Variants in CREBRF observed in about 807,000 individuals in gnomAD.
CREBRF encodes the protein UPF0474 protein C5orf41.
In CREBRF, 5 loss-of-function variants were observed where a neutral mutation model predicts 66.1. The observed-to-expected ratio is 0.08, with a 90% confidence interval of 0.04 to 0.16. The LOEUF is 0.16. Among genes scored for constraint, CREBRF ranks in the 10% least tolerant of loss-of-function variants. The pLI is 1.00. For synonymous variants in CREBRF, 229 were observed against 264.4 expected, an observed-to-expected ratio of 0.87 and a Z score of 1.30; for missense variants, 531 against 744.9, an observed-to-expected ratio of 0.71 and a Z score of 3.34.
rs1581675353 is a variant in CREBRF at position 173,085,782 on chromosome 5, G to C, written c.10-719G>C. ...CACTCCACATACCTGATGGCCTTCA[G>C]GTCATGGGTCAGCTTTTTAGCAGTC... is the stretch of plus-strand genomic sequence containing the variant. On this transcript the variant is annotated intron_variant, in intron 2 of 8. Coordinates refer to ENST00000296953, the MANE Select transcript of CREBRF (RefSeq NM_153607.3). The C allele has an allele frequency of 5.2e-6, 4 of 776,468 alleles. 1 individual carries two copies. In the Admixed American group the frequency reaches 6.8e-5, roughly 13 times the overall value. 48.1% of individuals were successfully genotyped at this position (776,468 alleles called of 1,614,324 possible). A position where few individuals can be genotyped will look rare whatever the true frequency, so the allele number is the denominator to read the frequency against.
In CREBRF at chr5:173,134,033, T is replaced by A. The variant is rs988152298; in HGVS notation, c.*288T>A. The A allele has an allele frequency of 1.1e-5, 2 of 184,210 alleles. No individual in the cohort carries two copies. Among genetic ancestry groups the A allele is most frequent in the Non-Finnish European group, 2.2e-5 (2 of 89,188 alleles). 11.4% of individuals were successfully genotyped at this position (184,210 alleles called of 1,614,324 possible). ...AAAAATCTGTTAAAGCAAAACATTTTGGAGGAGTGAAATAGTAAAATGCCA... is the reference window on the plus strand; with the variant it reads ...AAAAATCTGTTAAAGCAAAACATTTAGGAGGAGTGAAATAGTAAAATGCCA... On this transcript the variant is annotated 3_prime_UTR_variant, in exon 9 of 9. Coordinates refer to ENST00000296953, the MANE Select transcript of CREBRF (RefSeq NM_153607.3).
At chr5:173,067,480 A>C (rs1757466983) in intron 1 of CREBRF, among the ~76,000 whole-genome samples, 1 of 152,164 alleles carries the variant, frequency 6.6e-6, no homozygotes, top group East Asian at 1.9e-4. Flanking sequence ...AGTTCAAGTG[A>C]TCATCTTTCT....
chr5:173,108,739 A>G lies in CREBRF; in HGVS notation c.1338A>G (p.Gln446=), dbSNP rs1561811331. 6.2e-7 allele frequency: 1 copy of G among 1,614,138 alleles called. No homozygotes were observed. The highest frequency in any genetic ancestry group is 8.5e-7 in the Non-Finnish European group (1 of 1,179,972). Residue 446 remains glutamine (Q), a synonymous_variant, in exon 5 of 9, where the codon CAA becomes CAG. Coordinates refer to ENST00000296953, the MANE Select transcript of CREBRF (RefSeq NM_153607.3). ...GTGAACAACTTACACCATCACAGCAAGAGAGGATGCTGAGACCATCTGAGT... is the reference window on the plus strand; with the variant it reads ...GTGAACAACTTACACCATCACAGCAGGAGAGGATGCTGAGACCATCTGAGT... ...EYSEQLTPSQ[Q]ERMLRPSEWN...
chr5:173,100,666 C>T (rs536661139), intron 4 of CREBRF, among the ~76,000 whole-genome samples: 2 of 152,318 alleles, frequency 1.3e-5, no homozygotes, highest in African/African-American at 4.8e-5. Context: ...TCAGGTGATC[C>T]ACCTACCTCA....
At chr5:173,085,519 C>T (rs1758121171) in intron 2 of CREBRF, 6 of 548,862 alleles carry the variant, frequency 1.1e-5, no homozygotes, top group Admixed American at 3.1e-5. Flanking sequence ...CAGGTTCAAG[C>T]GATTCTCCTA....
rs1230113195 is a variant in CREBRF, at chr5:173,080,211, T to G, written c.-191-374T>G. Reference sequence around the variant, plus strand: ...TTAGCAGTAATGATTATACAATAGATGGAATTAAATTTTGAGATATGTTTT... The same window carrying G: ...TTAGCAGTAATGATTATACAATAGAGGGAATTAAATTTTGAGATATGTTTT... On this transcript the variant is annotated intron_variant, in intron 1 of 8. Transcript: ENST00000296953. Among the ~76,000 whole-genome samples the G allele has an allele frequency of 3.9e-5, 6 of 152,152 alleles. No individual in the cohort carries two copies. The East Asian group carries it at 1.2e-3, about 29-fold the overall frequency.
At chr5:173,085,393 A>G (rs1248797231) in intron 2 of CREBRF, 2 of 1,107,016 alleles carry the variant, frequency 1.8e-6, no homozygotes, top group Admixed American at 3.8e-5. Context: ...GGCAGCCAAT[A>G]TTGTATCGTC....
intron 1 of CREBRF, among the ~76,000 whole-genome samples, chr5:173,078,571 T>TG (rs1757840586): frequency 6.6e-6 from 1 of 151,326 alleles, no homozygotes. Flanking sequence ...TTCTTTTTTT[T>TG]TTTTTGAGAC....
intron 5 of CREBRF, 59 bp downstream of exon 5, chr5:173,108,877 C>T (rs1156412011): frequency 1.3e-6 from 2 of 1,499,170 alleles, no homozygotes; most frequent in East Asian, 4.6e-5. Flanking sequence ...AGCTACTAAT[C>T]CATAATGTTT....
chr5:173,095,838 G>A (rs1758464335), intron 4 of CREBRF, among the ~76,000 whole-genome samples: 1 of 148,926 alleles, frequency 6.7e-6, no homozygotes, highest in Non-Finnish European at 1.5e-5. Flanking sequence ...TGATACTGTT[G>A]TAAATGGGAT....
At chr5:173,099,155 G>A (rs1758552550) in intron 4 of CREBRF, among the ~76,000 whole-genome samples, 1 of 151,994 alleles carries the variant, frequency 6.6e-6, no homozygotes, top group African/African-American at 2.4e-5. Context: ...TGGCTTACAT[G>A]CATCCTTTTT....
At chr5:173,083,244 A>G (rs1758023539) in intron 2 of CREBRF, among the ~76,000 whole-genome samples, 1 of 152,078 alleles carries the variant, frequency 6.6e-6, no homozygotes, top group South Asian at 2.1e-4. Context: ...GAAATTTTTT[A>G]TTCTTTCTCA....
At chr5:173,117,397 A>T (rs1759016160) in intron 7 of CREBRF, among the ~76,000 whole-genome samples, 2 of 149,546 alleles carry the variant, frequency 1.3e-5, no homozygotes, top group East Asian at 3.9e-4. Context: ...AAAAAAAATA[A>T]GTAAGTAAAT....
intron 1 of CREBRF, among the ~76,000 whole-genome samples, chr5:173,072,277 T>A (rs1373595980): frequency 6.6e-6 from 1 of 151,818 alleles, no homozygotes; most frequent in Non-Finnish European, 1.5e-5. Context: ...CTAATTTTTT[T>A]ATCCCTTTTT....
At chr5:173,074,277 G>GTTT (rs1162063557) in intron 1 of CREBRF, among the ~76,000 whole-genome samples, 2 of 149,444 alleles carry the variant, frequency 1.3e-5, no homozygotes, top group East Asian at 3.9e-4. Flanking sequence ...CTCCAGCCTA[G>GTTT]GCAACAAGAG....
Position 173,091,214 on chromosome 5 carries a change from G to C in CREBRF, c.1035G>C (p.Leu345Phe), listed in dbSNP as rs1758327327. The C allele has an allele frequency of 6.2e-7, 1 of 1,614,022 alleles. No homozygotes were observed. Among genetic ancestry groups the C allele is most frequent in the Middle Eastern group, 1.6e-4 (1 of 6,084 alleles). The change falls in exon 4 of 9, where the codon TTG becomes TTC. Residue 345 changes from leucine (L) to phenylalanine (F), a missense_variant. Leu to Phe is a conservative substitution (Grantham distance 22, BLOSUM62 0). Around this residue, in one of 5 missense-constraint regions of CREBRF, gnomAD observed 309 missense variants for 341.4 expected, o/e 0.90. Coordinates refer to ENST00000296953, the MANE Select transcript of CREBRF (RefSeq NM_153607.3). Reference sequence around the variant, plus strand: ...ATTCTCTTTTTGTCTCCGACAACTTGGGTGAACAGCCAACTAAATGCAGTC... The same window carrying C: ...ATTCTCTTTTTGTCTCCGACAACTTCGGTGAACAGCCAACTAAATGCAGTC... ...HNYSLFVSDN[L>F]GEQPTKCSPE...
chr5:173,067,866 G>A (rs1422609656), intron 1 of CREBRF, among the ~76,000 whole-genome samples: 1 of 152,068 alleles, frequency 6.6e-6, no homozygotes, highest in African/African-American at 2.4e-5. Context: ...CGGGTGTGGT[G>A]GCGGGCACCT....
intron 8 of CREBRF, among the ~76,000 whole-genome samples, chr5:173,132,251 A>G (rs1440009512): frequency 2.0e-5 from 3 of 147,416 alleles, no homozygotes; most frequent in Middle Eastern, 3.9e-3. Context: ...ATGCCCAGCT[A>G]ATTTTTTGTA....
intron 2 of CREBRF, among the ~76,000 whole-genome samples, chr5:173,081,909 C>T (rs537523494): frequency 6.7e-5 from 10 of 149,564 alleles, no homozygotes; most frequent in African/African-American, 2.5e-4. Context: ...TCTCAAAAAA[C>T]AAACAAAAAA....
Sources: allele counts gnomAD v4.1 joint callset (sites outside exome capture counted in the v4.1 genomes callset), GRCh38; gene constraint gnomAD v4.1.1; regional missense constraint gnomAD v4.1.1; transcripts MANE v1.5; gene names NCBI Gene and HGNC (gene_info 2026-07-23, HGNC 2026-07-21).